TM4SF4: variants seen among roughly 807,000 people sequenced by gnomAD.
TM4SF4 encodes transmembrane 4 L6 family member 4.
A neutral mutation model predicts 24.1 loss-of-function variants in TM4SF4; 24 were observed. That is an observed-to-expected ratio of 1.00 (90% CI 0.72 to 1.40). The LOEUF is 1.40. Among genes scored for constraint, TM4SF4 ranks in the 40% most tolerant of loss-of-function variants. TM4SF4 has a pLI of 0.00. For missense variants in TM4SF4, 254 were observed against 254.2 expected (o/e 1.00, Z 0.01); for synonymous variants, 113 against 97.0 (o/e 1.17, Z -0.97).
intron 2 of TM4SF4, 64 bp downstream of exon 2, chr3:149,475,976 C>T (rs1194029093): frequency 6.4e-6 from 9 of 1,409,088 alleles, no homozygotes; most frequent in Non-Finnish European, 8.9e-6. Context: ...TTGTGCTGGG[C>T]AGCATGGGGA....
At chr3:149,485,958 G>A (rs931143935) in intron 2 of TM4SF4, among the ~76,000 whole-genome samples, 1 of 152,124 alleles carries the variant, frequency 6.6e-6, no homozygotes, top group Non-Finnish European at 1.5e-5. Flanking sequence ...ATAGAGCTTG[G>A]TATTAAAACG....
At chr3:149,486,832 C>T (rs1041233512) in intron 2 of TM4SF4, among the ~76,000 whole-genome samples, 2 of 152,048 alleles carry the variant, frequency 1.3e-5, no homozygotes, top group Admixed American at 1.3e-4. Flanking sequence ...TTTTTGGCCT[C>T]GAGGAACATA....
intron 4 of TM4SF4, among the ~76,000 whole-genome samples, chr3:149,500,983 C>T (rs1217832976): frequency 6.7e-6 from 1 of 149,926 alleles, no homozygotes; most frequent in Admixed American, 6.7e-5. Flanking sequence ...GAGATCTTGC[C>T]CCTGCACTGC....
chr3:149,484,025 C>T (rs1232471910), intron 2 of TM4SF4, among the ~76,000 whole-genome samples: 1 of 152,138 alleles, frequency 6.6e-6, no homozygotes, highest in Non-Finnish European at 1.5e-5. Flanking sequence ...AAGTGATATG[C>T]CCACCTCAGC....
chr3:149,492,878 G>C (rs1304074675), intron 3 of TM4SF4, among the ~76,000 whole-genome samples: 1 of 152,182 alleles, frequency 6.6e-6, no homozygotes, highest in Non-Finnish European at 1.5e-5. Context: ...GATTGGATTT[G>C]CACCATGTAA....
At chr3:149,498,257 C>T (rs985530410) in intron 3 of TM4SF4, among the ~76,000 whole-genome samples, 1 of 152,182 alleles carries the variant, frequency 6.6e-6, no homozygotes, top group African/African-American at 2.4e-5. Context: ...AAAGTCAAAA[C>T]GGTCTCTAAC....
intron 2 of TM4SF4, among the ~76,000 whole-genome samples, chr3:149,484,776 A>G (rs916070089): frequency 2.0e-5 from 3 of 152,006 alleles, no homozygotes; most frequent in African/African-American, 7.3e-5. Context: ...CTGGTCTGGA[A>G]CTCCTGACCT....
intron 3 of TM4SF4, among the ~76,000 whole-genome samples, chr3:149,491,328 G>T (rs1734206645): frequency 7.5e-6 from 1 of 132,760 alleles, no homozygotes; most frequent in Non-Finnish European, 1.7e-5. Context: ...AGCTGGGCAT[G>T]GTTGTGCATG....
Position 149,485,824 on chromosome 3 carries a change from C to G in TM4SF4, c.265-1795C>G, listed in dbSNP as rs560257548. ...AAAACAAAAACAAAAACAAAAAAAC[C>G]TATGCATTATTGTATTAGAGGCATT... On this transcript the variant is annotated intron_variant, in intron 2 of 4. Transcript: ENST00000305354. Among the ~76,000 whole-genome samples, 5 of 135,378 alleles carry G rather than the reference C, an allele frequency of 3.7e-5. No homozygotes were observed. In the East Asian group the frequency reaches 9.7e-4, roughly 26 times the overall value. 88.8% of individuals were successfully genotyped at this position (135,378 alleles called of 152,430 possible).
chr3:149,485,258 T>G (rs1171682263), intron 2 of TM4SF4, among the ~76,000 whole-genome samples: 2 of 152,242 alleles, frequency 1.3e-5, no homozygotes, highest in Non-Finnish European at 2.9e-5. Flanking sequence ...GAATGAAACT[T>G]AGTTATGTAA....
intron 3 of TM4SF4, among the ~76,000 whole-genome samples, chr3:149,498,171 C>T (rs1386155939): frequency 2.6e-5 from 4 of 152,176 alleles, no homozygotes; most frequent in South Asian, 2.1e-4. Flanking sequence ...AAATCAGGCT[C>T]TTCCCTTTAG....
Position 149,503,361 on chromosome 3 carries a change from T to C in TM4SF4, c.*668T>C, listed in dbSNP as rs1734465348. On this transcript the variant is annotated 3_prime_UTR_variant, in exon 5 of 5. Coordinates refer to ENST00000305354, the MANE Select transcript of TM4SF4 (RefSeq NM_004617.4). ...CTCATCTTTTCTACAAATGCTTCCT[T>C]TGATCAAACAAAAAAAAGTTTTTAA... The C allele has an allele frequency of 6.6e-6, 1 of 152,218 alleles. No individual in the cohort carries two copies. Among genetic ancestry groups the C allele is most frequent in the Non-Finnish European group, 1.5e-5 (1 of 68,054 alleles). The allele number at this position is 152,218 out of a possible 1,614,324, so 9.4% of individuals were successfully genotyped here. A position where few individuals can be genotyped will look rare whatever the true frequency, so the allele number is the denominator to read the frequency against.
intron 4 of TM4SF4, among the ~76,000 whole-genome samples, chr3:149,502,161 G>C (rs1012462888): frequency 1.3e-5 from 2 of 152,118 alleles, no homozygotes; most frequent in African/African-American, 4.8e-5. Context: ...CTGCCTCCCT[G>C]GTTCAAATCC....
intron 2 of TM4SF4, among the ~76,000 whole-genome samples, chr3:149,481,226 C>T (rs554135775): frequency 3.3e-4 from 50 of 152,170 alleles, no homozygotes; most frequent in African/African-American, 1.2e-3. Flanking sequence ...GTTACTGTCT[C>T]TCATAAGGAT....
At chr3:149,493,895 G>A (rs1256533264) in intron 3 of TM4SF4, among the ~76,000 whole-genome samples, 2 of 152,180 alleles carry the variant, frequency 1.3e-5, no homozygotes, top group Non-Finnish European at 2.9e-5. Flanking sequence ...CAGACAGAGC[G>A]CGCCAGCAAA....
intron 2 of TM4SF4, 95 bp from the exon 3 acceptor site, chr3:149,487,500 CTAGCTCCTACTCCATAACTTCTTG>C (rs2107870816): frequency 7.9e-7 from 1 of 1,258,428 alleles, no homozygotes; most frequent in South Asian, 1.4e-5. Context: ...ACTATAAAGA[CTAGCTCCTACTCCATAACTTCTTG>C]TAGTCACCAT....
At chr3:149,481,275 G>A (rs549988183) in intron 2 of TM4SF4, among the ~76,000 whole-genome samples, 1 of 115,042 alleles carries the variant, frequency 8.7e-6, no homozygotes, top group Non-Finnish European at 2.1e-5. Flanking sequence ...AGCATTTGGT[G>A]TAAGGGAAGT....
intron 2 of TM4SF4, among the ~76,000 whole-genome samples, chr3:149,481,160 C>A (rs1055437809): frequency 6.6e-6 from 1 of 152,112 alleles, no homozygotes; most frequent in Non-Finnish European, 1.5e-5. Flanking sequence ...ACGCCGGCAT[C>A]TTCAGTAAAT....
At chr3:149,475,669 A>G in intron 1 of TM4SF4, 154 bp from the exon 2 acceptor site, 1 of 630,224 alleles carries the variant, frequency 1.6e-6, no homozygotes, top group Non-Finnish European at 2.8e-6. Flanking sequence ...ACTCCATAAC[A>G]CTCCATTACC....
Sources: allele counts gnomAD v4.1 joint callset (sites outside exome capture counted in the v4.1 genomes callset), GRCh38; gene constraint gnomAD v4.1.1; transcripts MANE v1.5; gene names NCBI Gene and HGNC (gene_info 2026-07-23, HGNC 2026-07-21).